Variants in PIGG observed in about 807,000 individuals in gnomAD.
The protein encoded by PIGG is phosphatidylinositol glycan anchor biosynthesis class G (EMM blood group), also known as GPI ethanolamine phosphate transferase 2, catalytic subunit.
PIGG carries 70 observed loss-of-function variants against 83.2 expected under a neutral mutation model. That is an observed-to-expected ratio of 0.84 (90% CI 0.69 to 1.03). The LOEUF (loss-of-function observed/expected upper bound fraction) is 1.03, where lower values mean the gene tolerates loss of function less well. Among genes scored for constraint, PIGG ranks in the 50% least tolerant of loss-of-function variants. The pLI, the probability that PIGG is intolerant of heterozygous loss-of-function variation, is 0.00. For synonymous variants in PIGG, 532 were observed against 519.5 expected (o/e 1.02, Z -0.33); for missense variants, 1,257 against 1,233.6 (o/e 1.02, Z -0.28).
intron 4 of PIGG, among the ~76,000 whole-genome samples, 156 bp downstream of exon 4, chr4:507,749 A>C (rs1720279808): frequency 6.6e-6 from 1 of 152,266 alleles, no homozygotes; most frequent in Admixed American, 6.5e-5. Flanking sequence ...GCACTGTCTC[A>C]GTGTCCACTG....
At chr4:503,285 A>T (rs1445042759) in intron 2 of PIGG, among the ~76,000 whole-genome samples, 1 of 151,886 alleles carries the variant, frequency 6.6e-6, no homozygotes, top group African/African-American at 2.4e-5. Context: ...GGCCCAAATC[A>T]CTTCTGGACA....
At position 521,884 on chromosome 4, in the gene PIGG, G is replaced by C. The variant is rs1359690349; in HGVS notation, c.1557G>C (p.Leu519=). The change falls in exon 8 of 13, where the codon CTG becomes CTC. Residue 519 remains leucine, a synonymous_variant. Transcript: ENST00000453061. ...TGATGGTGCTGGCCTCGGCGCTGCT[G>C]TGTGTGATTGTGTCTGTTCTGACCA... ...GGVMVLASAL[L]CVIVSVLTNV... 15 of 1,614,088 alleles carry C rather than the reference G, an allele frequency of 9.3e-6. No individual in the cohort carries two copies. Among genetic ancestry groups the C allele is most frequent in the African/African-American group, 1.3e-5 (1 of 74,932 alleles).
At chr4:517,426 G>T (rs566867174) in intron 6 of PIGG, among the ~76,000 whole-genome samples, 1 of 152,202 alleles carries the variant, frequency 6.6e-6, no homozygotes, top group South Asian at 2.1e-4. Flanking sequence ...TCAGCTGAAA[G>T]CAAAGAGAGT....
Position 533,072 on chromosome 4 carries a change from C to T in PIGG, c.2572-746C>T, listed in dbSNP as rs1351301787. The T allele has an allele frequency of 3.9e-5, 6 of 152,598 alleles. No individual in the cohort carries two copies. In the East Asian group the frequency reaches 1.2e-3, roughly 30 times the overall value. The allele number at this position is 152,598 out of a possible 1,614,324, so 9.5% of individuals were successfully genotyped here. A position where few individuals can be genotyped will look rare whatever the true frequency, so the allele number is the denominator to read the frequency against. On this transcript the variant is annotated intron_variant, in intron 11 of 12. Coordinates refer to ENST00000453061, the MANE Select transcript of PIGG (RefSeq NM_001127178.3). Reference sequence around the variant, plus strand: ...CGGGGCCTGCGCAGAGAGGCAGGGTCTCTCAGAAGACCCCTTTTTGGGATC... The same window carrying T: ...CGGGGCCTGCGCAGAGAGGCAGGGTTTCTCAGAAGACCCCTTTTTGGGATC...
At chr4:517,409 G>A (rs1031560891) in intron 6 of PIGG, among the ~76,000 whole-genome samples, 7 of 152,122 alleles carry the variant, frequency 4.6e-5, no homozygotes, top group African/African-American at 1.7e-4. Flanking sequence ...GTACGACTCC[G>A]GGGCTTTCAG....
chr4:526,931 T>C, intron 9 of PIGG, 108 bp from the exon 10 acceptor site: 1 of 1,212,850 alleles, frequency 8.2e-7, no homozygotes, highest in Non-Finnish European at 1.2e-6. Context: ...TCTTTGGTTT[T>C]TGGGAAAATC....
chr4:507,813 G>A (rs374690718), intron 4 of PIGG, among the ~76,000 whole-genome samples: 44 of 152,330 alleles, frequency 2.9e-4, no homozygotes, highest in African/African-American at 9.4e-4. Flanking sequence ...ACTCCTACCC[G>A]TGTATGCATT....
rs1354258366 is a variant in PIGG at position 515,833 on chromosome 4, AT to A, written c.902-138del. On this transcript the variant is annotated intron_variant, in intron 5 of 12. Transcript: ENST00000453061. This position sits in a 1 kb window ranked among gnomAD's most constrained non-coding sequence, Gnocchi z 4.2. Reference sequence around the variant, plus strand: ...ATCAACACAGCAAGCACAGGAGGTGATTCCTGTACGATTCTGTGTTGAGTGG... The same window carrying A: ...ATCAACACAGCAAGCACAGGAGGTGATCCTGTACGATTCTGTGTTGAGTGG... 2 of 683,056 alleles carry A rather than the reference AT, an allele frequency of 2.9e-6. No individual in the cohort carries two copies. Among genetic ancestry groups the A allele is most frequent in the African/African-American group, 3.6e-5 (2 of 56,190 alleles). The allele number at this position is 683,056 out of a possible 1,614,324, so 42.3% of individuals were successfully genotyped here. A position where few individuals can be genotyped will look rare whatever the true frequency, so the allele number is the denominator to read the frequency against.
At chr4:507,279 C>T in intron 3 of PIGG, 126 bp from the exon 4 acceptor site, 1 of 722,220 alleles carries the variant, frequency 1.4e-6, no homozygotes, top group South Asian at 1.9e-5. Context: ...TGTTGTGTTT[C>T]AACTCCCCCA....
chr4:500,407 A>G lies in PIGG; in HGVS notation c.166A>G (p.Asn56Asp), dbSNP rs1186069679. The change falls in exon 2 of 13, where the codon AAC becomes GAC. Residue 56 changes from asparagine (N) to aspartate (D), a missense_variant. Physicochemically the swap from Asn to Asp is conservative, Grantham distance 23. Coordinates refer to ENST00000453061, the MANE Select transcript of PIGG (RefSeq NM_001127178.3). Reference protein sequence around the residue: ...APEPSAGASSNWTTLPPPLFS... With the variant: ...APEPSAGASSDWTTLPPPLFS... ...TTTCAAACACTTAGGAGCCAGTTCT[A>G]ACTGGACCACGCTGCCACCACCTCT... The G allele has an allele frequency of 3.1e-6, 5 of 1,613,366 alleles. No homozygotes were observed. In the African/African-American group the frequency reaches 4.0e-5, roughly 13 times the overall value.
At chr4:501,127 GA>G (rs1553875641) in intron 2 of PIGG, 1 of 456,190 alleles carries the variant, frequency 2.2e-6, no homozygotes, top group Non-Finnish European at 4.4e-6. Flanking sequence ...CAGCAGCTTT[GA>G]AGTACATAGT....
chr4:533,717 C>A, intron 11 of PIGG, 101 bp from the exon 12 acceptor site: 1 of 1,120,172 alleles, frequency 8.9e-7, no homozygotes, highest in Non-Finnish European at 1.3e-6. Flanking sequence ...GTTATCTGGG[C>A]TGCCTACACA....
intron 1 of PIGG, 102 bp downstream of exon 1, chr4:499,591 G>C: frequency 6.9e-7 from 1 of 1,445,462 alleles, no homozygotes; most frequent in Non-Finnish European, 9.1e-7. Context: ...GCGCTCCCCG[G>C]TGGTCTCTTC....
At chr4:507,235 C>A (rs1720036613) in intron 3 of PIGG, among the ~76,000 whole-genome samples, 170 bp from the exon 4 acceptor site, 1 of 152,142 alleles carries the variant, frequency 6.6e-6, no homozygotes. Context: ...CTGCTGTGTC[C>A]AGCCTATTTA....
chr4:505,132 C>T (rs570082984), intron 2 of PIGG, among the ~76,000 whole-genome samples: 20 of 152,200 alleles, frequency 1.3e-4, no homozygotes, highest in African/African-American at 4.1e-4. Flanking sequence ...CTCACTTTGC[C>T]GTTTGCTTCA....
Position 539,160 on chromosome 4 carries a change from G to C in PIGG, c.2743G>C (p.Ala915Pro). The part of the protein sequence containing the change: ...FLSSETRSGS[A>P]LSHACFCYAL... ...TTTCTTTCTTATTAACAGTGGTTCA[G>C]CACTGAGTCATGCTTGCTTCTGCTA... The change falls in exon 13 of 13, where the codon GCA (alanine) becomes CCA (proline). Residue 915 changes from alanine (A) to proline (P), a missense_variant. Physicochemically the swap from Ala to Pro is conservative, Grantham distance 27 (BLOSUM62 -1). Transcript: ENST00000453061. 6.2e-7 allele frequency: 1 copy of C among 1,606,800 alleles called. No individual in the cohort carries two copies. The highest frequency in any genetic ancestry group is 8.5e-7 in the Non-Finnish European group (1 of 1,174,052).
intron 10 of PIGG, among the ~76,000 whole-genome samples, chr4:529,165 G>T (rs1260047942): frequency 6.6e-6 from 1 of 152,166 alleles, no homozygotes; most frequent in Non-Finnish European, 1.5e-5. Flanking sequence ...CCTGGATGAT[G>T]CCCCTCCTGC....
chr4:502,227 T>C (rs1718007133), intron 2 of PIGG: 1 of 152,230 alleles, frequency 6.6e-6, no homozygotes, highest in South Asian at 2.1e-4. Flanking sequence ...CTCCAGCTTA[T>C]TGGTTTTATT....
At chr4:527,688 C>T (rs756952766) in intron 10 of PIGG, 28 of 988,278 alleles carry the variant, frequency 2.8e-5, no homozygotes, top group Non-Finnish European at 3.4e-5. Flanking sequence ...ATCAGACCGT[C>T]CTTGTAATTT....
Sources: gnomAD v4.1 joint callset for allele counts (sites outside exome capture counted in the v4.1 genomes callset) on GRCh38, gnomAD v4.1.1 for gene constraint, Gnocchi (gnomAD v3.1) non-coding constraint, MANE v1.5 for transcripts, NCBI Gene and HGNC (gene_info 2026-07-23, HGNC 2026-07-21) for gene names.